Variants in GPHN observed in about 807,000 individuals in gnomAD.
The protein encoded by GPHN is gephyrin.
In GPHN, 17 loss-of-function variants were observed where a neutral mutation model predicts 95.5. That is an observed-to-expected ratio of 0.18 (90% CI 0.12 to 0.27). GPHN has a LOEUF of 0.27. Among genes scored for constraint, GPHN ranks in the 10% least tolerant of loss-of-function variants. GPHN has a pLI of 1.00. For missense variants in GPHN, 660 were observed against 978.1 expected, an observed-to-expected ratio of 0.67 and a Z score of 4.34; for synonymous variants, 320 against 322.5, an observed-to-expected ratio of 0.99 and a Z score of 0.08.
the GPHN span, chr14:67,569,179 C>G: frequency 1.2e-6 from 2 of 1,613,354 alleles, no homozygotes; most frequent in Non-Finnish European, 1.7e-6. Context: ...GCATGCGGCT[C>G]TCAGATATGT....
At chr14:67,266,381 A>G in the GPHN span, among the ~76,000 whole-genome samples, 1 of 152,266 alleles carries the variant, frequency 6.6e-6, no homozygotes, top group East Asian at 1.9e-4. Flanking sequence ...TCTGAAGTGC[A>G]GTGGCGTGAT....
At chr14:67,409,916 T>A in the GPHN span, among the ~76,000 whole-genome samples, 1 of 152,166 alleles carries the variant, frequency 6.6e-6, no homozygotes, top group East Asian at 1.9e-4. Context: ...CTCAGCAGAC[T>A]GGGACCACAA....
chr14:66,512,735 A>G (rs144915618), intron 1 of GPHN, among the ~76,000 whole-genome samples: 1 of 151,878 alleles, frequency 6.6e-6, no homozygotes, highest in African/African-American at 2.4e-5. Flanking sequence ...GAAGTCATTC[A>G]AAGTATTAAA....
At chr14:67,389,033 C>G in the GPHN span, among the ~76,000 whole-genome samples, 1 of 151,620 alleles carries the variant, frequency 6.6e-6, no homozygotes, top group Admixed American at 6.6e-5. Flanking sequence ...CATCGTTACA[C>G]AAATCTAGTA....
chr14:67,082,905 G>T lies in GPHN; in HGVS notation c.1145-6078G>T, dbSNP rs1298952869. ...CATTCATCAGTTGATGGATATTTAG[G>T]TTTCCATCTTTTGGCTATTATGAAA... On this transcript the variant is annotated intron_variant, in intron 11 of 22. Transcript: ENST00000478722. Among the ~76,000 whole-genome samples the T allele has an allele frequency of 3.3e-5, 5 of 152,184 alleles. No homozygotes were observed. In the East Asian group the frequency reaches 7.7e-4, roughly 23 times the overall value.
intron 3 of GPHN, among the ~76,000 whole-genome samples, chr14:66,822,171 C>G (rs934731088): frequency 6.6e-6 from 1 of 152,144 alleles, no homozygotes; most frequent in Non-Finnish European, 1.5e-5. Flanking sequence ...TGGGTGGCCT[C>G]GATCTCCTGA....
intron 1 of GPHN, among the ~76,000 whole-genome samples, chr14:66,561,450 T>C (rs2060238414): frequency 6.6e-6 from 1 of 152,146 alleles, no homozygotes; most frequent in African/African-American, 2.4e-5. Flanking sequence ...TTCTGTCGAA[T>C]CCTGAGGTTT....
chr14:67,355,949 A>G, the GPHN span, among the ~76,000 whole-genome samples: 1 of 152,160 alleles, frequency 6.6e-6, no homozygotes, highest in Non-Finnish European at 1.5e-5. Flanking sequence ...GTGAGCTGTG[A>G]TCATGCCACT....
chr14:67,501,290 A>C, the GPHN span, among the ~76,000 whole-genome samples: 1 of 152,126 alleles, frequency 6.6e-6, no homozygotes, highest in Non-Finnish European at 1.5e-5. Context: ...GAGACAAGAC[A>C]TGCACTCAGC....
intron 2 of GPHN, among the ~76,000 whole-genome samples, chr14:66,767,158 A>G (rs1308625035): frequency 6.6e-6 from 1 of 152,084 alleles, no homozygotes; most frequent in Non-Finnish European, 1.5e-5. Context: ...ATTTCTACTC[A>G]TTATATTCAC....
chr14:66,982,496 A>G (rs1284673551), intron 9 of GPHN, among the ~76,000 whole-genome samples: 1 of 152,166 alleles, frequency 6.6e-6, no homozygotes, highest in Non-Finnish European at 1.5e-5. Context: ...ATACAGTGCA[A>G]CATTTTCAGA....
At chr14:67,387,361 C>T in the GPHN span, 34 of 1,611,116 alleles carry the variant, frequency 2.1e-5, no homozygotes, top group East Asian at 4.5e-5. Flanking sequence ...TCAATCCACT[C>T]GGCTCGCTCA....
chr14:67,266,416 C>G, the GPHN span, among the ~76,000 whole-genome samples: 1 of 152,116 alleles, frequency 6.6e-6, no homozygotes, highest in Non-Finnish European at 1.5e-5. Flanking sequence ...GCCTCTGCCT[C>G]CTGGGTTCAA....
At chr14:66,577,200 A>G (rs1172490564) in intron 1 of GPHN, among the ~76,000 whole-genome samples, 2 of 152,328 alleles carry the variant, frequency 1.3e-5, no homozygotes, top group East Asian at 1.9e-4. Context: ...CACACTTAAA[A>G]GTGGCATGGG....
At chr14:66,751,023 C>T (rs1595780802) in intron 2 of GPHN, among the ~76,000 whole-genome samples, 1 of 151,288 alleles carries the variant, frequency 6.6e-6, no homozygotes, top group East Asian at 1.9e-4. Context: ...TTTTAGAAGT[C>T]ACAGAATTTT....
the GPHN span, chr14:67,729,409 C>T: frequency 6.3e-7 from 1 of 1,590,138 alleles, no homozygotes; most frequent in Non-Finnish European, 8.5e-7. Flanking sequence ...GTTCTCTCCA[C>T]CACCTGTGTG....
the GPHN span, among the ~76,000 whole-genome samples, chr14:67,720,040 C>G: frequency 6.6e-6 from 1 of 152,212 alleles, no homozygotes; most frequent in Admixed American, 6.5e-5. Flanking sequence ...ACAATGGACT[C>G]TCCCACGAGC....
chr14:66,855,873 T>G (rs774277781), intron 4 of GPHN, among the ~76,000 whole-genome samples: 4 of 152,130 alleles, frequency 2.6e-5, no homozygotes, highest in Non-Finnish European at 5.9e-5. Context: ...TTAAAGATAT[T>G]ACTGGAAATG....
intron 9 of GPHN, among the ~76,000 whole-genome samples, chr14:67,014,376 A>G (rs111591159): frequency 5.2e-4 from 79 of 152,278 alleles, no homozygotes; most frequent in African/African-American, 1.6e-3. Context: ...GGTAGAGCCA[A>G]AATTCAAATC....
Sources: gnomAD v4.1 joint callset for allele counts (sites outside exome capture counted in the v4.1 genomes callset) on GRCh38, gnomAD v4.1.1 for gene constraint, MANE v1.5 for transcripts, NCBI Gene and HGNC (gene_info 2026-07-23, HGNC 2026-07-21) for gene names.